Variants in ADAMTSL3 observed in about 807,000 individuals in gnomAD.
ADAMTSL3 encodes ADAMTS-like protein 3.
ADAMTSL3 carries 128 observed loss-of-function variants against 201.7 expected under a neutral mutation model. That is an observed-to-expected ratio of 0.63 (90% CI 0.55 to 0.73). The LOEUF (loss-of-function observed/expected upper bound fraction) is 0.73, where lower values mean the gene tolerates loss of function less well. Among genes scored for constraint, ADAMTSL3 ranks in the 30% least tolerant of loss-of-function variants. The pLI, the probability that ADAMTSL3 is intolerant of heterozygous loss-of-function variation, is 0.00. For synonymous variants in ADAMTSL3, 738 were observed against 748.4 expected, an observed-to-expected ratio of 0.99 and a Z score of 0.23; for missense variants, 1,990 against 2,119.6, an observed-to-expected ratio of 0.94 and a Z score of 1.20.
intron 6 of ADAMTSL3, among the ~76,000 whole-genome samples, chr15:83,829,980 G>A (rs1250881471): frequency 1.3e-5 from 2 of 152,194 alleles, no homozygotes; most frequent in Non-Finnish European, 2.9e-5. Context: ...GTGTGATATG[G>A]TGCTGAGAAG....
intron 3 of ADAMTSL3, among the ~76,000 whole-genome samples, chr15:83,719,860 A>G (rs2062073549): frequency 6.6e-6 from 1 of 152,218 alleles, no homozygotes; most frequent in Non-Finnish European, 1.5e-5. Flanking sequence ...TGGAGGAGTT[A>G]ACAGCCTCAC....
At position 84,037,835 on chromosome 15, in the gene ADAMTSL3, G is replaced by C. The variant is rs758041617; in HGVS notation, c.*29G>C. The C allele has an allele frequency of 1.3e-6, 2 of 1,584,354 alleles. No homozygotes were observed. The highest frequency in any genetic ancestry group is 2.3e-5 in the South Asian group (2 of 85,218). On this transcript the variant is annotated 3_prime_UTR_variant, in exon 30 of 30. Coordinates refer to ENST00000286744, the MANE Select transcript of ADAMTSL3 (RefSeq NM_207517.3). ...TTTGGAGGGGTCATGATGCTGCTGTGAAGATAAAAGTAGAATATAAAAGCT... is the reference window on the plus strand; with the variant it reads ...TTTGGAGGGGTCATGATGCTGCTGTCAAGATAAAAGTAGAATATAAAAGCT...
chr15:83,666,324 G>A (rs1479266645), intron 2 of ADAMTSL3, among the ~76,000 whole-genome samples: 1 of 152,114 alleles, frequency 6.6e-6, no homozygotes, highest in Non-Finnish European at 1.5e-5. Flanking sequence ...AGAAATGTTT[G>A]TTAAGACACA....
chr15:83,791,961 T>A (rs958497473), intron 4 of ADAMTSL3, among the ~76,000 whole-genome samples: 2 of 152,124 alleles, frequency 1.3e-5, no homozygotes, highest in Non-Finnish European at 2.9e-5. Context: ...CTATGACATT[T>A]GTCTGGGAAA....
At chr15:83,722,223 G>A (rs2562779) in intron 3 of ADAMTSL3, among the ~76,000 whole-genome samples, 127,392 of 152,126 alleles carry the variant, frequency 0.84, 53,855 homozygotes, top group East Asian at 0.96. Flanking sequence ...TCAGTTACAG[G>A]GGATAAGGAC....
chr15:83,804,677 C>A lies in ADAMTSL3; in HGVS notation c.345C>A (p.Tyr115Ter). Residue 115 changes from tyrosine to a stop codon, truncating the protein, a stop_gained, in exon 5 of 30, where the codon TAC becomes TAA. Transcript: ENST00000286744. LOFTEE classifies it high-confidence loss of function. ...GRNCEGQNIR[Y>*]KTCSNHDCPP... The stretch of plus-strand genomic sequence containing the variant: ...ATTGTGAAGGGCAGAACATTCGGTA[C>A]AAGACATGCAGCAATCATGTAAGTC... 6.3e-7 allele frequency: 1 copy of A among 1,582,464 alleles called. No individual in the cohort carries two copies. Among genetic ancestry groups the A allele is most frequent in the Middle Eastern group, 1.7e-4 (1 of 5,966 alleles).
intron 19 of ADAMTSL3, among the ~76,000 whole-genome samples, chr15:83,952,252 T>G (rs1414162169): frequency 1.3e-5 from 2 of 152,208 alleles, no homozygotes; most frequent in Non-Finnish European, 2.9e-5. Flanking sequence ...ATTCCGTGTA[T>G]TTGTACATTT....
At chr15:83,868,156 G>A (rs970168957) in intron 8 of ADAMTSL3, among the ~76,000 whole-genome samples, 9 of 151,978 alleles carry the variant, frequency 5.9e-5, no homozygotes, top group African/African-American at 1.9e-4. Flanking sequence ...TCCTGGGGTC[G>A]CCTACACACT....
intron 5 of ADAMTSL3, among the ~76,000 whole-genome samples, chr15:83,818,858 G>T (rs1012125104): frequency 6.6e-6 from 1 of 152,154 alleles, no homozygotes; most frequent in East Asian, 1.9e-4. Context: ...TGCTTTTGTT[G>T]TAGACAGAAT....
At chr15:83,981,265 A>G (rs889199807) in intron 20 of ADAMTSL3, among the ~76,000 whole-genome samples, 2 of 152,184 alleles carry the variant, frequency 1.3e-5, no homozygotes, top group African/African-American at 4.8e-5. Context: ...TCTCTTGGGG[A>G]CAGGATCTGA....
chr15:83,870,537 G>T (rs1201794730), intron 8 of ADAMTSL3, among the ~76,000 whole-genome samples: 2 of 152,098 alleles, frequency 1.3e-5, no homozygotes, highest in African/African-American at 4.8e-5. Flanking sequence ...AGAAAGAAAA[G>T]TTTTCTCTTT....
At chr15:83,950,805 G>A (rs868024172) in intron 19 of ADAMTSL3, among the ~76,000 whole-genome samples, 1 of 149,256 alleles carries the variant, frequency 6.7e-6, no homozygotes, top group African/African-American at 2.5e-5. Flanking sequence ...TTGATTGTTC[G>A]CTGTTGGCTT....
At position 83,948,555 on chromosome 15, in the gene ADAMTSL3, G is replaced by A. The variant is rs116582898; in HGVS notation, c.2490+5473G>A. On this transcript the variant is annotated intron_variant, in intron 19 of 29. Transcript: ENST00000286744. Reference sequence around the variant, plus strand: ...GATACAAAGTCTAAGAAACTTGGTTGGGCTTCCTTAAGACATTTTTTATCT... The same window carrying A: ...GATACAAAGTCTAAGAAACTTGGTTAGGCTTCCTTAAGACATTTTTTATCT... 5.9e-4 allele frequency among the ~76,000 whole-genome samples: 90 copies of A among 152,192 alleles called. 1 individual carries two copies. The highest frequency in any genetic ancestry group is 2.1e-3 in the African/African-American group (87 of 41,536).
intron 3 of ADAMTSL3, among the ~76,000 whole-genome samples, chr15:83,729,710 T>C (rs2141600436): frequency 6.6e-6 from 1 of 152,214 alleles, no homozygotes; most frequent in South Asian, 2.1e-4. Context: ...TTTTGAATTC[T>C]CTGTTTGAAA....
At chr15:83,799,587 A>C (rs552987827) in intron 4 of ADAMTSL3, among the ~76,000 whole-genome samples, 23 of 152,290 alleles carry the variant, frequency 1.5e-4, no homozygotes, top group Non-Finnish European at 2.5e-4. Flanking sequence ...TATATCATCA[A>C]ATGAATATAA....
chr15:83,884,337 C>T (rs918438169), intron 9 of ADAMTSL3, among the ~76,000 whole-genome samples: 1 of 98,004 alleles, frequency 1.0e-5, no homozygotes, highest in Non-Finnish European at 1.9e-5. Flanking sequence ...TGCCCTATTT[C>T]CTTTTTTTTT....
At chr15:83,833,687 C>T (rs764870217) in intron 6 of ADAMTSL3, among the ~76,000 whole-genome samples, 3 of 152,204 alleles carry the variant, frequency 2.0e-5, no homozygotes, top group South Asian at 2.1e-4. Context: ...AGATATAATT[C>T]GGTAAAGAAC....
chr15:83,885,882 G>A (rs1311813823), intron 10 of ADAMTSL3, among the ~76,000 whole-genome samples: 3 of 152,062 alleles, frequency 2.0e-5, no homozygotes, highest in African/African-American at 7.2e-5. Context: ...CCACCACCAT[G>A]CCTGGCTAAT....
chr15:83,898,070 T>C, intron 14 of ADAMTSL3, 65 bp downstream of exon 14: 2 of 1,481,454 alleles, frequency 1.4e-6, no homozygotes, highest in Non-Finnish European at 1.8e-6. Flanking sequence ...TCCAATATTG[T>C]AGCATTTCCC....
Sources: allele counts gnomAD v4.1 joint callset (sites outside exome capture counted in the v4.1 genomes callset), GRCh38; gene constraint gnomAD v4.1.1; transcripts MANE v1.5; gene names NCBI Gene and HGNC (gene_info 2026-07-23, HGNC 2026-07-21).